Variants in CKS1B observed in about 807,000 individuals in gnomAD.
CKS1B encodes cyclin-dependent kinases regulatory subunit 1.
CKS1B carries 5 observed loss-of-function variants against 12.2 expected under a neutral mutation model. The ratio of observed to expected loss-of-function variants is 0.41; its 90% CI spans 0.21 to 0.86. The LOEUF (loss-of-function observed/expected upper bound fraction) is 0.86, where lower values mean the gene tolerates loss of function less well. CKS1B is among the 40% of genes least tolerant of loss of function. The pLI is 0.32. For synonymous variants in CKS1B, 24 were observed against 34.4 expected, an observed-to-expected ratio of 0.70 and a Z score of 1.06; for missense variants, 53 against 99.9, an observed-to-expected ratio of 0.53 and a Z score of 2.00.
chr1:154,975,993 C>T (rs1657173060), intron 1 of CKS1B, among the ~76,000 whole-genome samples: 1 of 151,842 alleles, frequency 6.6e-6, no homozygotes, highest in Non-Finnish European at 1.5e-5. Context: ...TGCTTAGTAC[C>T]TGGGTGATGA....
At chr1:154,977,726 C>T (rs1657225381) in intron 1 of CKS1B, 2 of 429,002 alleles carry the variant, frequency 4.7e-6, no homozygotes, top group Admixed American at 8.1e-5. Flanking sequence ...ACTATAAGGT[C>T]CATGAAGGCG....
chr1:154,974,830 C>G, intron 1 of CKS1B, 26 bp downstream of exon 1: 1 of 1,613,910 alleles, frequency 6.2e-7, no homozygotes, highest in Non-Finnish European at 8.5e-7. Context: ...GGAGCAATAG[C>G]GAGGGTCGTG....
chr1:154,976,221 G>C (rs1381960548), intron 1 of CKS1B, among the ~76,000 whole-genome samples: 1 of 152,220 alleles, frequency 6.6e-6, no homozygotes, highest in Non-Finnish European at 1.5e-5. Context: ...ACACTGGATA[G>C]CCATCTGCCA....
chr1:154,974,915 G>A, intron 1 of CKS1B, 111 bp downstream of exon 1: 2 of 1,613,942 alleles, frequency 1.2e-6, no homozygotes, highest in Non-Finnish European at 1.7e-6. Flanking sequence ...CGTACGAGGT[G>A]CGAACGGGCA....
chr1:154,975,967 A>C (rs1657171033), intron 1 of CKS1B, among the ~76,000 whole-genome samples: 1 of 152,026 alleles, frequency 6.6e-6, no homozygotes, highest in South Asian at 2.1e-4. Flanking sequence ...GGAAAAAAAA[A>C]AACTGTCGGG....
chr1:154,975,020 A>C, intron 1 of CKS1B: 1 of 1,243,664 alleles, frequency 8.0e-7, no homozygotes, highest in South Asian at 1.2e-5. Context: ...GCCTCTCAGT[A>C]GAGAGGAGAG....
intron 1 of CKS1B, 41 bp from the exon 2 acceptor site, chr1:154,977,946 G>T: frequency 1.9e-6 from 3 of 1,596,984 alleles, no homozygotes; most frequent in Non-Finnish European, 2.6e-6. Context: ...GACTGTATCT[G>T]GTACTAACAT....
At chr1:154,978,570 G>C (rs1378946523) in intron 2 of CKS1B, 155 bp from the exon 3 acceptor site, 10 of 647,276 alleles carry the variant, frequency 1.5e-5, no homozygotes, top group Middle Eastern at 2.5e-4. Flanking sequence ...AGACAGTCCA[G>C]ACTTCTGGGT....
chr1:154,975,005 G>A lies in CKS1B; in HGVS notation c.59+201G>A. ...GTAAAACAAAGTGGTTGCGAATTTG[G>A]AGTCGCCTCTCAGTAGAGAGGAGAG... On this transcript the variant is annotated intron_variant, in intron 1 of 2. Coordinates refer to ENST00000308987, the MANE Select transcript of CKS1B (RefSeq NM_001826.3). 5.4e-6 allele frequency: 8 copies of A among 1,476,194 alleles called. No individual in the cohort carries two copies. In the South Asian group the frequency reaches 9.1e-5, roughly 17 times the overall value. 91.4% of individuals were successfully genotyped at this position (1,476,194 alleles called of 1,614,324 possible).
chr1:154,978,579 G>A (rs181029670), intron 2 of CKS1B, 146 bp from the exon 3 acceptor site: 91 of 667,712 alleles, frequency 1.4e-4, no homozygotes, highest in Admixed American at 3.7e-4. Context: ...AGACTTCTGG[G>A]TCTGCTTCTA....
chr1:154,975,116 T>C, intron 1 of CKS1B: 1 of 638,294 alleles, frequency 1.6e-6, no homozygotes, highest in South Asian at 1.8e-5. Flanking sequence ...CAAACTTAAC[T>C]TGCCTTGTAG....
intron 2 of CKS1B, 194 bp from the exon 3 acceptor site, chr1:154,978,531 G>T (rs997824084): frequency 6.7e-6 from 4 of 598,858 alleles, no homozygotes; most frequent in Non-Finnish European, 1.2e-5. Flanking sequence ...CATAGCAAAA[G>T]AACTGATATT....
In CKS1B at chr1:154,975,072, AG is replaced by A. The variant is rs1657119666; in HGVS notation, c.59+270del. ...AGGGTACTGACCACCCTCACCCATG[AG>A]GCTTTCTGGATCATTCTCTGAACTT... On this transcript the variant is annotated intron_variant, in intron 1 of 2. Coordinates refer to ENST00000308987, the MANE Select transcript of CKS1B (RefSeq NM_001826.3). The A allele has an allele frequency of 3.9e-6, 3 of 772,166 alleles. No individual in the cohort carries two copies. The East Asian group carries it at 7.6e-5, about 20-fold the overall frequency. The allele number at this position is 772,166 out of a possible 1,614,324, so 47.8% of individuals were successfully genotyped here.
At chr1:154,977,327 C>G (rs1393799610) in intron 1 of CKS1B, 2 of 152,066 alleles carry the variant, frequency 1.3e-5, no homozygotes, top group African/African-American at 2.4e-5. Context: ...GTTGGTCAGG[C>G]TGGTCTCCAA....
In CKS1B at chr1:154,978,089, G is replaced by A; in HGVS notation, c.162G>A (p.Trp54Ter). 6.2e-7 allele frequency: 1 copy of A among 1,613,952 alleles called. No homozygotes were observed. The highest frequency in any genetic ancestry group is 8.5e-7 in the Non-Finnish European group (1 of 1,179,982). ...RNLGVQQSQG[W>*]VHYMIHEPEP... ...TTGGCGTTCAGCAGAGTCAGGGATG[G>A]GTCCATTATATGATCCATGAACCAG... Residue 54 changes from tryptophan (W) to a stop codon, truncating the protein, a stop_gained, in exon 2 of 3, where the codon TGG (tryptophan) becomes TGA (stop). Transcript: ENST00000308987. LOFTEE classifies it high-confidence loss of function.
intron 1 of CKS1B, chr1:154,977,702 T>G (rs1657224823): frequency 2.9e-6 from 1 of 340,768 alleles, no homozygotes; most frequent in Admixed American, 4.5e-5. Flanking sequence ...ATGTTGTAGA[T>G]AATCAACTAG....
intron 1 of CKS1B, chr1:154,975,120 C>T (rs1405830780): frequency 6.4e-6 from 4 of 620,634 alleles, no homozygotes; most frequent in African/African-American, 1.8e-5. Flanking sequence ...CTTAACTTGC[C>T]TTGTAGAGAC....
chr1:154,974,851 G>T lies in CKS1B; in HGVS notation c.59+47G>T, dbSNP rs1011781100. ...ATAGCGAGGGTCGTGAGCTTTGGCC[G>T]CTGAGGGCACAAGGAATTAGTAACA... On this transcript the variant is annotated intron_variant, in intron 1 of 2. Transcript: ENST00000308987. 10 of 1,614,038 alleles carry T rather than the reference G, an allele frequency of 6.2e-6. No individual in the cohort carries two copies. The East Asian group carries it at 1.3e-4, about 22-fold the overall frequency.
Position 154,974,806 on chromosome 1 carries a change from T to C in CKS1B, c.59+2T>C. 1 of 1,614,006 alleles carries C rather than the reference T, an allele frequency of 6.2e-7. No individual in the cohort carries two copies. Among genetic ancestry groups the C allele is most frequent in the Non-Finnish European group, 8.5e-7 (1 of 1,179,934 alleles). On this transcript the variant is annotated splice_donor_variant, in intron 1 of 2. Coordinates refer to ENST00000308987, the MANE Select transcript of CKS1B (RefSeq NM_001826.3). LOFTEE classifies it high-confidence loss of function. ...CGACGACGAGGAGTTTGAGTATCGG[T>C]TAGTGCTGGCGCGGGAGCAATAGCG...
Sources: gnomAD v4.1 joint callset for allele counts (sites outside exome capture counted in the v4.1 genomes callset) on GRCh38, gnomAD v4.1.1 for gene constraint, MANE v1.5 for transcripts, NCBI Gene and HGNC (gene_info 2026-07-23, HGNC 2026-07-21) for gene names.